The following CTNNA2 variants were observed in gnomAD, a reference collection of about 807,000 sequenced individuals.
The protein encoded by CTNNA2 is catenin alpha-2.
In CTNNA2, 42 loss-of-function variants were observed where a neutral mutation model predicts 101.0. The observed-to-expected ratio is 0.42, with a 90% CI of 0.32 to 0.54. The LOEUF (loss-of-function observed/expected upper bound fraction) is 0.54. Among genes scored for constraint, CTNNA2 ranks in the 20% least tolerant of loss-of-function variants. CTNNA2 has a pLI of 0.14. For missense variants in CTNNA2, 871 were observed against 1,223.1 expected (o/e 0.71, Z 4.29); for synonymous variants, 450 against 456.4 (o/e 0.99, Z 0.18).
intron 2 of CTNNA2, among the ~76,000 whole-genome samples, chr2:79,201,645 G>A (rs1035101381): frequency 6.6e-6 from 1 of 152,106 alleles, no homozygotes; most frequent in Non-Finnish European, 1.5e-5. Flanking sequence ...ATTCTCTGGA[G>A]GGGGAGCTTC....
intron 1 of CTNNA2, among the ~76,000 whole-genome samples, chr2:79,523,849 T>G (rs1344945346): frequency 2.0e-5 from 3 of 152,132 alleles, no homozygotes; most frequent in Non-Finnish European, 4.4e-5. Flanking sequence ...TATCTTTTCA[T>G]TTGCTTTCTG....
intron 14 of CTNNA2, chr2:80,586,321 C>T (rs1695967692): frequency 1.3e-5 from 2 of 152,116 alleles, no homozygotes. Flanking sequence ...ACAAATTAAC[C>T]TTGTGTTGGG....
At chr2:79,528,443 G>T (rs186998893) in intron 1 of CTNNA2, among the ~76,000 whole-genome samples, 1 of 151,896 alleles carries the variant, frequency 6.6e-6, no homozygotes, top group Non-Finnish European at 1.5e-5. Context: ...GAGAGTTTTC[G>T]TTTTGAGATG....
At chr2:79,426,612 CAG>C (rs751891795) in intron 4 of CTNNA2, among the ~76,000 whole-genome samples, 1 of 152,080 alleles carries the variant, frequency 6.6e-6, no homozygotes, top group Admixed American at 6.6e-5. Flanking sequence ...AATATATACT[CAG>C]TGAATAAACC....
At chr2:80,488,669 T>C (rs977786986) in intron 9 of CTNNA2, among the ~76,000 whole-genome samples, 1 of 152,202 alleles carries the variant, frequency 6.6e-6, no homozygotes, top group Non-Finnish European at 1.5e-5. Flanking sequence ...GTTTCTTCCT[T>C]GCTCAATATC....
At chr2:79,190,028 A>G (rs1673832147) in intron 1 of CTNNA2, among the ~76,000 whole-genome samples, 1 of 152,310 alleles carries the variant, frequency 6.6e-6, no homozygotes, top group African/African-American at 2.4e-5. Context: ...TTTTTAAACT[A>G]TATTTCTCTA....
At chr2:80,222,150 G>A (rs1414881022) in intron 7 of CTNNA2, among the ~76,000 whole-genome samples, 1 of 152,116 alleles carries the variant, frequency 6.6e-6, no homozygotes, top group African/African-American at 2.4e-5. Context: ...AGGATGAAAA[G>A]CACTGGTGAC....
chr2:79,421,773 G>A (rs948955102), intron 4 of CTNNA2, among the ~76,000 whole-genome samples: 1 of 152,116 alleles, frequency 6.6e-6, no homozygotes, highest in Non-Finnish European at 1.5e-5. Flanking sequence ...AATCTAAGAG[G>A]CATTAGTCAG....
chr2:80,410,563 G>A (rs756565783), intron 8 of CTNNA2, among the ~76,000 whole-genome samples: 5 of 152,128 alleles, frequency 3.3e-5, no homozygotes, highest in African/African-American at 1.2e-4. Flanking sequence ...TTTCTGCCCT[G>A]GTTGATTGAT....
chr2:79,195,753 TG>T lies in CTNNA2; in HGVS notation c.-523-2205del, dbSNP rs1319653154. 1.5e-5 allele frequency: 7 copies of T among 479,306 alleles called. No individual in the cohort carries two copies. The East Asian group carries it at 4.3e-4, about 29-fold the overall frequency. The allele number at this position is 479,306 out of a possible 1,614,324, so 29.7% of individuals were successfully genotyped here. A position where few individuals can be genotyped will look rare whatever the true frequency, so the allele number is the denominator to read the frequency against. ...ACACAGAGGGATGTGTCATATCATC[TG>T]AAAAAGGAGCAAGTTTTATCATCTC... On this transcript the variant is annotated intron_variant, in intron 1 of 21. Coordinates refer to the CTNNA2 transcript ENST00000466387.
rs12623960 is a variant in CTNNA2 at position 79,269,066 on chromosome 2, G to T, written c.-405-43643G>T. Among the ~76,000 whole-genome samples the T allele has an allele frequency of 2.9e-3, 442 of 152,082 alleles. 12 individuals are homozygous for T. The East Asian group carries it at 0.061, about 21-fold the overall frequency. On this transcript the variant is annotated intron_variant, in intron 2 of 21. Transcript: ENST00000466387. ...ATCGTTACCAAGGCTCTATCTATGC[G>T]GTATGTTAGAAATTGATGCTGGACT...
At chr2:79,945,355 T>TA (rs1688425353) in intron 7 of CTNNA2, among the ~76,000 whole-genome samples, 1 of 152,212 alleles carries the variant, frequency 6.6e-6, no homozygotes, top group African/African-American at 2.4e-5. Context: ...TTTGTTTTTT[T>TA]AAATTATTTG....
intron 1 of CTNNA2, among the ~76,000 whole-genome samples, chr2:79,635,379 C>T (rs1252775026): frequency 6.6e-6 from 1 of 151,724 alleles, no homozygotes; most frequent in Non-Finnish European, 1.5e-5. Flanking sequence ...TTGCAGTGAG[C>T]CGAGATCGTG....
intron 7 of CTNNA2, among the ~76,000 whole-genome samples, chr2:79,951,796 C>G (rs1688900397): frequency 6.6e-6 from 1 of 152,178 alleles, no homozygotes; most frequent in African/African-American, 2.4e-5. Context: ...CAAAAGCACT[C>G]CTTGAATCGT....
intron 2 of CTNNA2, among the ~76,000 whole-genome samples, chr2:79,700,195 A>T (rs1684910803): frequency 6.6e-6 from 1 of 152,118 alleles, no homozygotes; most frequent in South Asian, 2.1e-4. Context: ...TTATGAATAT[A>T]ACATATCTAT....
intron 18 of CTNNA2, among the ~76,000 whole-genome samples, chr2:80,644,050 A>T (rs1673783350): frequency 6.6e-6 from 1 of 152,162 alleles, no homozygotes; most frequent in Admixed American, 6.6e-5. Flanking sequence ...GGCAATAACT[A>T]AAAAACAAGA....
intron 1 of CTNNA2, among the ~76,000 whole-genome samples, chr2:79,632,522 A>C (rs1317559340): frequency 6.6e-6 from 1 of 152,250 alleles, no homozygotes; most frequent in East Asian, 1.9e-4. Context: ...TAATAAATCT[A>C]CCAGACCTAC....
chr2:79,613,320 C>T (rs1334565855), intron 1 of CTNNA2, among the ~76,000 whole-genome samples: 1 of 151,414 alleles, frequency 6.6e-6, no homozygotes, highest in Non-Finnish European at 1.5e-5. Context: ...TAGATAATTT[C>T]CGAGTTTTCT....
chr2:80,229,013 T>C (rs2862024), intron 7 of CTNNA2, among the ~76,000 whole-genome samples: 103,795 of 152,096 alleles, frequency 0.68, 36,210 homozygotes, highest in African/African-American at 0.83. Context: ...CCTTGATATC[T>C]AATGGATGAC....
Sources: allele counts gnomAD v4.1 joint callset (sites outside exome capture counted in the v4.1 genomes callset), GRCh38; gene constraint gnomAD v4.1.1; transcripts MANE v1.5; gene names NCBI Gene and HGNC (gene_info 2026-07-23, HGNC 2026-07-21).